AJAP1: variants seen among roughly 807,000 people sequenced by gnomAD.
AJAP1 encodes adherens junctions associated protein 1.
AJAP1 carries 5 observed loss-of-function variants against 35.0 expected under a neutral mutation model. The ratio of observed to expected loss-of-function variants is 0.14; its 90% confidence interval spans 0.07 to 0.30. The LOEUF (loss-of-function observed/expected upper bound fraction) is 0.30, where lower values mean the gene tolerates loss of function less well. AJAP1 is among the 10% of genes least tolerant of loss of function. The pLI, the probability that AJAP1 is intolerant of heterozygous loss-of-function variation, is 1.00. For missense variants in AJAP1, 586 were observed against 571.0 expected (o/e 1.03, Z -0.27); for synonymous variants, 284 against 249.3 (o/e 1.14, Z -1.31).
In AJAP1 at chr1:4,782,550, C is replaced by T. The variant is rs1469242335; in HGVS notation, c.*65C>T. 2.8e-5 allele frequency: 11 copies of T among 388,954 alleles called. No homozygotes were observed. The highest frequency in any genetic ancestry group is 4.5e-5 in the Admixed American group (1 of 22,370). 24.1% of individuals were successfully genotyped at this position (388,954 alleles called of 1,614,324 possible). A position where few individuals can be genotyped will look rare whatever the true frequency, so the allele number is the denominator to read the frequency against. On this transcript the variant is annotated 3_prime_UTR_variant, in exon 6 of 6. Transcript: ENST00000378191. The surrounding 1 kb of genome is among the most constrained non-coding windows in gnomAD (Gnocchi z 5.3). ...CTTGTTTTCTTTCCACACAGGATTC[C>T]GTTGGTGAACCTGTAAAAACAAAAC...
rs1225171754 is a variant in AJAP1, at chr1:4,788,928, AC to A, written c.*6444del. 2 of 152,110 alleles carry A rather than the reference AC, an allele frequency of 1.3e-5. No homozygotes were observed. Among genetic ancestry groups the A allele is most frequent in the African/African-American group, 4.8e-5 (2 of 41,406 alleles). 9.4% of individuals were successfully genotyped at this position (152,110 alleles called of 1,614,324 possible). Reference sequence around the variant, plus strand: ...TAAAGGTGACTGAAGAGAATGGTCAACTCGGTGGTGATGGGCCTGTTTTGGA... The same window carrying A: ...TAAAGGTGACTGAAGAGAATGGTCAATCGGTGGTGATGGGCCTGTTTTGGA... On this transcript the variant is annotated 3_prime_UTR_variant, in exon 6 of 6. Coordinates refer to ENST00000378191, the MANE Select transcript of AJAP1 (RefSeq NM_018836.4).
chr1:4,770,601 C>G (rs1488924925), intron 3 of AJAP1, among the ~76,000 whole-genome samples: 1 of 152,182 alleles, frequency 6.6e-6, no homozygotes, highest in Non-Finnish European at 1.5e-5. Flanking sequence ...ACTCCTCCAG[C>G]AACTGTGTCT....
At chr1:4,740,785 C>CAAAAAAAAAAAAA (rs34897087) in intron 2 of AJAP1, among the ~76,000 whole-genome samples, 1 of 66,966 alleles carries the variant, frequency 1.5e-5, no homozygotes, top group African/African-American at 5.4e-5. Flanking sequence ...GACTCCGTCT[C>CAAAAAAAAAAAAA]AAAAAAAAAA....
chr1:4,712,840 G>A (rs1421806117), intron 2 of AJAP1, 141 bp downstream of exon 2: 5 of 849,098 alleles, frequency 5.9e-6, no homozygotes, highest in Non-Finnish European at 8.5e-6. Context: ...CCATGAGCTT[G>A]CACATGCCTG....
intron 1 of AJAP1, among the ~76,000 whole-genome samples, chr1:4,695,424 G>A (rs1045353166): frequency 6.6e-6 from 1 of 152,194 alleles, no homozygotes; most frequent in Non-Finnish European, 1.5e-5. Context: ...CAGGCAAGGT[G>A]AGACCAAGGT....
intron 2 of AJAP1, among the ~76,000 whole-genome samples, chr1:4,740,039 G>A (rs192757377): frequency 8.5e-5 from 13 of 152,214 alleles, no homozygotes; most frequent in African/African-American, 2.2e-4. Context: ...AATTTAAAGC[G>A]GAGTCTCAGA....
chr1:4,773,061 A>C (rs1641873631), intron 4 of AJAP1, among the ~76,000 whole-genome samples: 2 of 152,182 alleles, frequency 1.3e-5, no homozygotes, highest in Non-Finnish European at 2.9e-5. Flanking sequence ...CCCCACAGCC[A>C]TCCCTGGGAA....
chr1:4,751,251 G>A (rs753639181), intron 2 of AJAP1, among the ~76,000 whole-genome samples: 3 of 152,090 alleles, frequency 2.0e-5, no homozygotes, highest in Non-Finnish European at 4.4e-5. Flanking sequence ...AGCCTTGGTC[G>A]CTGGACACCT....
intron 2 of AJAP1, among the ~76,000 whole-genome samples, chr1:4,719,605 G>T (rs1324852999): frequency 6.6e-6 from 1 of 152,134 alleles, no homozygotes; most frequent in African/African-American, 2.4e-5. Context: ...GGCCTGGATT[G>T]TGGAGGGAGC....
intron 2 of AJAP1, among the ~76,000 whole-genome samples, chr1:4,751,091 C>T (rs1255229881): frequency 6.6e-6 from 1 of 151,978 alleles, no homozygotes; most frequent in African/African-American, 2.4e-5. Flanking sequence ...TGCACAACCC[C>T]CAGTGCCTCT....
chr1:4,774,706 C>CG lies in AJAP1; in HGVS notation c.*59+156dup, dbSNP rs369309835. ...CATCACTTCTCTGAACATGAGCCGG[C>CG]GGGGGGGGCTGGGCTTTTGACCTTG... On this transcript the variant is annotated intron_variant, in intron 5 of 5. Coordinates refer to ENST00000378191, the MANE Select transcript of AJAP1 (RefSeq NM_018836.4). 3,055 of 552,268 alleles carry CG rather than the reference C, an allele frequency of 5.5e-3. 28 individuals are homozygous for CG. Among genetic ancestry groups the CG allele is most frequent in the African/African-American group, 0.032 (1,675 of 52,280 alleles). 34.2% of individuals were successfully genotyped at this position (552,268 alleles called of 1,614,324 possible).
At chr1:4,682,413 C>G (rs191517684) in intron 1 of AJAP1, among the ~76,000 whole-genome samples, 1 of 152,220 alleles carries the variant, frequency 6.6e-6, no homozygotes, top group Non-Finnish European at 1.5e-5. Flanking sequence ...AAGACTATGC[C>G]CAGAATGCCT....
intron 1 of AJAP1, among the ~76,000 whole-genome samples, chr1:4,682,647 G>A (rs115143400): frequency 2.6e-5 from 4 of 151,804 alleles, no homozygotes; most frequent in Non-Finnish European, 4.4e-5. Flanking sequence ...TGAGCCCTTC[G>A]TAGGGTTTCA....
chr1:4,768,049 A>G (rs1324663744), intron 2 of AJAP1, among the ~76,000 whole-genome samples: 1 of 152,256 alleles, frequency 6.6e-6, no homozygotes, highest in African/African-American at 2.4e-5. Flanking sequence ...TCAACTCATT[A>G]GCAAACCAAC....
At chr1:4,717,713 A>G (rs1425627895) in intron 2 of AJAP1, among the ~76,000 whole-genome samples, 2 of 152,160 alleles carry the variant, frequency 1.3e-5, no homozygotes, top group African/African-American at 4.8e-5. Context: ...CCGTCAGCTG[A>G]CCTAAGCATC....
intron 1 of AJAP1, among the ~76,000 whole-genome samples, chr1:4,681,955 G>A (rs1038739797): frequency 6.6e-6 from 1 of 152,180 alleles, no homozygotes; most frequent in Non-Finnish European, 1.5e-5. Context: ...AATCCTCATA[G>A]CAATCCTATA....
At chr1:4,740,325 G>A in intron 2 of AJAP1, among the ~76,000 whole-genome samples, 1 of 149,544 alleles carries the variant, frequency 6.7e-6, no homozygotes, top group East Asian at 2.1e-4. Flanking sequence ...AATGCATAGA[G>A]ACAGAAAGTC....
chr1:4,721,408 GTCT>G (rs1019154078), intron 2 of AJAP1, among the ~76,000 whole-genome samples: 14 of 152,192 alleles, frequency 9.2e-5, no homozygotes, highest in African/African-American at 2.9e-4. Context: ...AAGATTCCTG[GTCT>G]TCTTGACCCT....
At chr1:4,774,406 C>G in intron 4 of AJAP1, 21 bp from the exon 5 acceptor site, 1 of 1,613,384 alleles carries the variant, frequency 6.2e-7, no homozygotes, top group South Asian at 1.1e-5. Flanking sequence ...ACGCCAAAGC[C>G]CATTTTTCTG....
Sources: allele counts gnomAD v4.1 joint callset (sites outside exome capture counted in the v4.1 genomes callset), GRCh38; gene constraint gnomAD v4.1.1; non-coding constraint Gnocchi (gnomAD v3.1); transcripts MANE v1.5; gene names NCBI Gene and HGNC (gene_info 2026-07-23, HGNC 2026-07-21).